Variants in ROBO2 observed in about 807,000 individuals in gnomAD.
The protein encoded by ROBO2 is roundabout homolog 2.
In ROBO2, 53 loss-of-function variants were observed where a neutral mutation model predicts 160.8. That is an observed-to-expected ratio of 0.33 (90% CI 0.26 to 0.41). The LOEUF is 0.41. Among genes scored for constraint, ROBO2 ranks in the 10% least tolerant of loss-of-function variants. The pLI, the probability that ROBO2 is intolerant of heterozygous loss-of-function variation, is 1.00. For synonymous variants in ROBO2, 664 were observed against 611.7 expected, an observed-to-expected ratio of 1.09 and a Z score of -1.26; for missense variants, 1,577 against 1,722.4, an observed-to-expected ratio of 0.92 and a Z score of 1.49.
intron 2 of ROBO2, among the ~76,000 whole-genome samples, chr3:77,140,251 T>G (rs956903178): frequency 1.3e-5 from 2 of 152,132 alleles, no homozygotes; most frequent in African/African-American, 4.8e-5. Flanking sequence ...TAGATTAAGA[T>G]GAAATGTTTT....
At chr3:76,677,811 A>C (rs2092448387) in intron 2 of ROBO2, among the ~76,000 whole-genome samples, 1 of 152,088 alleles carries the variant, frequency 6.6e-6, no homozygotes, top group Admixed American at 6.6e-5. Flanking sequence ...AACATATCCC[A>C]GACAATAATC....
At chr3:76,232,972 C>A (rs1704712453) in intron 2 of ROBO2, among the ~76,000 whole-genome samples, 1 of 152,154 alleles carries the variant, frequency 6.6e-6, no homozygotes, top group Non-Finnish European at 1.5e-5. Context: ...CACTCTCTTT[C>A]TAAAGAAGAA....
intron 2 of ROBO2, among the ~76,000 whole-genome samples, chr3:76,466,050 A>T (rs1331347480): frequency 6.7e-6 from 1 of 150,252 alleles, no homozygotes; most frequent in Non-Finnish European, 1.5e-5. Context: ...TGTCTAAAAC[A>T]TATATACAAT....
chr3:76,031,775 T>C (rs999706619), intron 2 of ROBO2, among the ~76,000 whole-genome samples: 3 of 152,320 alleles, frequency 2.0e-5, no homozygotes, highest in East Asian at 1.9e-4. Context: ...CAGTATTTTA[T>C]TGAGGATTTT....
intron 5 of ROBO2, among the ~76,000 whole-genome samples, chr3:77,508,186 T>C (rs937022376): frequency 3.3e-5 from 5 of 151,532 alleles, no homozygotes; most frequent in Middle Eastern, 3.5e-3. Flanking sequence ...TGATTTTCAC[T>C]AAATTGAAAG....
At chr3:76,221,600 A>G (rs537489030) in intron 2 of ROBO2, among the ~76,000 whole-genome samples, 35 of 152,338 alleles carry the variant, frequency 2.3e-4, no homozygotes, top group South Asian at 1.0e-3. Context: ...AACCTTCTGC[A>G]GAATCTTGGC....
chr3:76,549,298 C>A (rs1259761022), intron 2 of ROBO2, among the ~76,000 whole-genome samples: 1 of 152,132 alleles, frequency 6.6e-6, no homozygotes. Flanking sequence ...TCCCCAAAGT[C>A]TTTTATCAGA....
chr3:77,493,155 A>G, intron 4 of ROBO2, 89 bp from the exon 5 acceptor site: 1 of 1,428,934 alleles, frequency 7.0e-7, no homozygotes, highest in Non-Finnish European at 9.8e-7. Context: ...CCAAAAGTAA[A>G]TTAGGTTTCC....
At chr3:76,738,119 G>A (rs1205625978) in intron 2 of ROBO2, among the ~76,000 whole-genome samples, 1 of 151,942 alleles carries the variant, frequency 6.6e-6, no homozygotes, top group Non-Finnish European at 1.5e-5. Context: ...AGGTGACACA[G>A]GGAGACCCTG....
intron 2 of ROBO2, among the ~76,000 whole-genome samples, chr3:76,992,863 G>C (rs1015042482): frequency 6.6e-6 from 1 of 151,956 alleles, no homozygotes; most frequent in East Asian, 1.9e-4. Flanking sequence ...TGTCATCCAG[G>C]CTGCAGTGCA....
intron 2 of ROBO2, among the ~76,000 whole-genome samples, chr3:76,948,902 ATATATATTTT>A (rs1377351231): frequency 1.1e-3 from 49 of 42,820 alleles, no homozygotes; most frequent in East Asian, 2.7e-3. Context: ...ATATATATAT[ATATATATTTT>A]TTTTTTTTTT....
intron 2 of ROBO2, among the ~76,000 whole-genome samples, chr3:76,037,627 T>G (rs2067154049): frequency 3.3e-5 from 5 of 152,012 alleles, no homozygotes; most frequent in Admixed American, 3.3e-4. Flanking sequence ...TCAAGCCTTA[T>G]TCTAGGCACT....
rs2079868902 is a variant in ROBO2 at position 76,963,904 on chromosome 3, A to AT, written c.110-134110_110-134109insT. Among the ~76,000 whole-genome samples the AT allele has an allele frequency of 2.0e-5, 3 of 152,118 alleles. No individual in the cohort carries two copies. The South Asian group carries it at 6.2e-4, about 32-fold the overall frequency. ...AAAGAAAAAGAAAATGAAAAAGAAA[A>AT]GAAAGGAAAGCCAAAAGGGGTTTAG... On this transcript the variant is annotated intron_variant, in intron 2 of 26. Transcript: ENST00000487694.
chr3:77,617,546 A>C (rs1340053451), exon 22 of ROBO2: 2 of 1,614,070 alleles, frequency 1.2e-6, no homozygotes. Context: ...CACCATTGCC[A>C]GTACAAACTT....
intron 2 of ROBO2, among the ~76,000 whole-genome samples, chr3:77,468,604 T>C (rs1416573585): frequency 1.3e-5 from 2 of 152,188 alleles, no homozygotes; most frequent in Non-Finnish European, 2.9e-5. Flanking sequence ...GATTCAAGAA[T>C]AAAGACTTGG....
At chr3:77,247,497 T>G (rs945399344) in intron 2 of ROBO2, among the ~76,000 whole-genome samples, 4 of 152,186 alleles carry the variant, frequency 2.6e-5, no homozygotes, top group African/African-American at 9.7e-5. Flanking sequence ...CTGAGAGTGA[T>G]TCCATATTCA....
At chr3:75,920,924 C>T (rs575789083) in intron 1 of ROBO2, among the ~76,000 whole-genome samples, 28 of 151,766 alleles carry the variant, frequency 1.8e-4, no homozygotes, top group African/African-American at 6.3e-4. Context: ...CTATGTGTGT[C>T]CTTGCAAGTG....
intron 2 of ROBO2, among the ~76,000 whole-genome samples, chr3:76,914,233 TTAAA>T (rs2076174469): frequency 6.6e-6 from 1 of 152,152 alleles, no homozygotes; most frequent in African/African-American, 2.4e-5. Context: ...TCCTCTCAGA[TTAAA>T]TAGATTGCAC....
intron 4 of ROBO2, among the ~76,000 whole-genome samples, chr3:77,490,074 C>A (rs999822447): frequency 5.3e-5 from 8 of 150,042 alleles, no homozygotes; most frequent in African/African-American, 2.0e-4. Flanking sequence ...TTCCGGACTT[C>A]AATGGGCATG....
Sources: allele counts gnomAD v4.1 joint callset (sites outside exome capture counted in the v4.1 genomes callset), GRCh38; gene constraint gnomAD v4.1.1; transcripts MANE v1.5; gene names NCBI Gene and HGNC (gene_info 2026-07-23, HGNC 2026-07-21).